Variants in LRRTM4 observed in about 807,000 individuals in gnomAD.
LRRTM4 encodes leucine-rich repeat transmembrane neuronal protein 4.
Under a neutral mutation model 47.6 loss-of-function variants are expected in LRRTM4, and 25 were observed. That is an observed-to-expected ratio of 0.53 (90% CI 0.38 to 0.73). The LOEUF (loss-of-function observed/expected upper bound fraction) is 0.73, where lower values mean the gene tolerates loss of function less well. Ranked by LOEUF, LRRTM4 falls within the 30% of genes least tolerant of loss-of-function variation. The pLI is 0.00. For missense variants in LRRTM4, 638 were observed against 713.4 expected, an observed-to-expected ratio of 0.89 and a Z score of 1.20; for synonymous variants, 311 against 269.5, an observed-to-expected ratio of 1.15 and a Z score of -1.51.
intron 3 of LRRTM4, among the ~76,000 whole-genome samples, chr2:77,455,266 T>C (rs1401910830): frequency 6.6e-6 from 1 of 152,208 alleles, no homozygotes; most frequent in African/African-American, 2.4e-5. Context: ...ATAGAGACTA[T>C]CGTATTATTT....
intron 3 of LRRTM4, among the ~76,000 whole-genome samples, chr2:77,267,045 C>G (rs1009867291): frequency 6.6e-6 from 1 of 152,132 alleles, no homozygotes; most frequent in African/African-American, 2.4e-5. Flanking sequence ...TCCTCCTGCT[C>G]TCTGTACAGT....
At chr2:76,835,735 C>T (rs945310108) in intron 3 of LRRTM4, among the ~76,000 whole-genome samples, 9 of 151,942 alleles carry the variant, frequency 5.9e-5, no homozygotes, top group South Asian at 4.1e-4. Context: ...CCACCTGTCA[C>T]GGTAAGGTCA....
At chr2:77,322,417 G>A (rs1433914096) in intron 3 of LRRTM4, among the ~76,000 whole-genome samples, 1 of 152,064 alleles carries the variant, frequency 6.6e-6, no homozygotes, top group Non-Finnish European at 1.5e-5. Context: ...AGTGTTTCAA[G>A]ATGTGATCTC....
At chr2:77,059,527 G>A (rs771369689) in intron 3 of LRRTM4, among the ~76,000 whole-genome samples, 30 of 152,152 alleles carry the variant, frequency 2.0e-4, no homozygotes, top group South Asian at 8.3e-4. Flanking sequence ...CACATTCCAT[G>A]TGCCTGACCA....
chr2:77,422,617 A>C (rs1036011258), intron 3 of LRRTM4, among the ~76,000 whole-genome samples: 1 of 152,232 alleles, frequency 6.6e-6, no homozygotes, highest in African/African-American at 2.4e-5. Context: ...AAATTTGAAA[A>C]AATAGAATAT....
chr2:76,930,206 C>T (rs1162476895), intron 3 of LRRTM4, among the ~76,000 whole-genome samples: 1 of 152,096 alleles, frequency 6.6e-6, no homozygotes, highest in African/African-American at 2.4e-5. Context: ...GGGGTTTCCA[C>T]TGCAACTCTA....
intron 3 of LRRTM4, among the ~76,000 whole-genome samples, chr2:77,459,472 A>C (rs1676692689): frequency 6.6e-6 from 1 of 152,092 alleles, no homozygotes; most frequent in Non-Finnish European, 1.5e-5. Context: ...AAAGTCCTTA[A>C]TAAAACACAA....
intron 3 of LRRTM4, among the ~76,000 whole-genome samples, chr2:77,145,075 A>G (rs1672218705): frequency 6.6e-6 from 1 of 152,196 alleles, no homozygotes. Context: ...TAAATTCAGT[A>G]TGAAAGAATG....
chr2:76,911,814 A>G (rs1674066225), intron 3 of LRRTM4, among the ~76,000 whole-genome samples: 1 of 151,278 alleles, frequency 6.6e-6, no homozygotes, highest in Non-Finnish European at 1.5e-5. Flanking sequence ...GAAAACAGTG[A>G]TTTGTGTGTG....
At chr2:76,916,726 T>C (rs773907174) in intron 3 of LRRTM4, among the ~76,000 whole-genome samples, 4 of 152,196 alleles carry the variant, frequency 2.6e-5, no homozygotes, top group Non-Finnish European at 4.4e-5. Context: ...GTAAAAATAT[T>C]GTGACCTAAA....
chr2:77,227,834 C>G (rs1674855543), intron 3 of LRRTM4, among the ~76,000 whole-genome samples: 1 of 151,980 alleles, frequency 6.6e-6, no homozygotes, highest in African/African-American at 2.4e-5. Flanking sequence ...AATATAGTTT[C>G]TAGTCATTAA....
chr2:77,280,120 A>G (rs1413009542), intron 3 of LRRTM4, among the ~76,000 whole-genome samples: 1 of 152,072 alleles, frequency 6.6e-6, no homozygotes, highest in African/African-American at 2.4e-5. Context: ...TAATAATCAC[A>G]TATGGGAACA....
chr2:76,887,384 C>G (rs1429246016), intron 3 of LRRTM4, among the ~76,000 whole-genome samples: 1 of 151,100 alleles, frequency 6.6e-6, no homozygotes, highest in Non-Finnish European at 1.5e-5. Context: ...GCACCAAGGC[C>G]AATACCAAAA....
intron 3 of LRRTM4, among the ~76,000 whole-genome samples, chr2:77,000,685 C>T (rs1225961585): frequency 6.6e-6 from 1 of 152,162 alleles, no homozygotes; most frequent in African/African-American, 2.4e-5. Context: ...TTGGTTTGTT[C>T]TGGAAACTTA....
chr2:76,765,962 G>C (rs141711585), intron 3 of LRRTM4, among the ~76,000 whole-genome samples: 4 of 152,304 alleles, frequency 2.6e-5, no homozygotes, highest in Admixed American at 2.0e-4. Flanking sequence ...AGAGAGATGA[G>C]TGAAATTCTG....
At chr2:77,446,811 C>T (rs1260276429) in intron 3 of LRRTM4, among the ~76,000 whole-genome samples, 4 of 152,106 alleles carry the variant, frequency 2.6e-5, no homozygotes, top group Non-Finnish European at 4.4e-5. Context: ...TTGGTGAAGT[C>T]TGCCATTACC....
chr2:76,755,737 G>A (rs1309760610), intron 3 of LRRTM4, among the ~76,000 whole-genome samples: 2 of 152,110 alleles, frequency 1.3e-5, no homozygotes, highest in Admixed American at 6.6e-5. Flanking sequence ...AGGAGCCTCA[G>A]CCTTACTCAC....
intron 3 of LRRTM4, among the ~76,000 whole-genome samples, chr2:76,940,366 C>G (rs991839256): frequency 1.3e-5 from 2 of 152,106 alleles, no homozygotes; most frequent in African/African-American, 4.8e-5. Context: ...GGCCACTATA[C>G]TTAGCAAACT....
chr2:77,445,178 G>T (rs1245239421), intron 3 of LRRTM4, among the ~76,000 whole-genome samples: 1 of 151,924 alleles, frequency 6.6e-6, no homozygotes, highest in Non-Finnish European at 1.5e-5. Context: ...TTGGTTGCTT[G>T]CCATCCCTAA....
Sources: allele counts gnomAD v4.1 joint callset (sites outside exome capture counted in the v4.1 genomes callset), GRCh38; gene constraint gnomAD v4.1.1; transcripts MANE v1.5; gene names NCBI Gene and HGNC (gene_info 2026-07-23, HGNC 2026-07-21).